The following FER variants were observed in gnomAD, a reference collection of about 807,000 sequenced individuals.
FER encodes the protein FER tyrosine kinase.
Under a neutral mutation model 111.0 loss-of-function variants are expected in FER, and 63 were observed. The ratio of observed to expected loss-of-function variants is 0.57; its 90% CI spans 0.46 to 0.70. FER has a LOEUF of 0.70. FER is among the 30% of genes least tolerant of loss of function. FER has a pLI of 0.00. For synonymous variants in FER, 327 were observed against 313.9 expected (o/e 1.04, Z -0.44); for missense variants, 914 against 954.0 (o/e 0.96, Z 0.55).
intron 3 of FER, among the ~76,000 whole-genome samples, chr5:108,821,752 A>G (rs1451507177): frequency 1.3e-5 from 2 of 151,770 alleles, no homozygotes; most frequent in Non-Finnish European, 2.9e-5. Flanking sequence ...ATATGTATTT[A>G]TGGTATACCT....
intron 11 of FER, among the ~76,000 whole-genome samples, chr5:108,951,690 T>C (rs951322528): frequency 6.6e-6 from 1 of 152,206 alleles, no homozygotes; most frequent in African/African-American, 2.4e-5. Context: ...GTAAGGGTTT[T>C]ACTTGTATAT....
At chr5:109,016,033 A>G (rs926459106) in intron 13 of FER, among the ~76,000 whole-genome samples, 2 of 151,998 alleles carry the variant, frequency 1.3e-5, no homozygotes, top group Non-Finnish European at 2.9e-5. Flanking sequence ...AAGGGTTACT[A>G]TTAGTGAGCA....
chr5:108,814,241 C>T (rs1021737834), intron 3 of FER, among the ~76,000 whole-genome samples: 1 of 152,018 alleles, frequency 6.6e-6, no homozygotes, highest in Non-Finnish European at 1.5e-5. Flanking sequence ...GGTAATTTTT[C>T]ATTTTTTAAT....
chr5:108,911,383 C>T (rs1175039407), intron 10 of FER, among the ~76,000 whole-genome samples: 1 of 151,964 alleles, frequency 6.6e-6, no homozygotes, highest in Non-Finnish European at 1.5e-5. Flanking sequence ...TTGTTAGAGT[C>T]ATAACTTGCA....
At chr5:108,989,771 G>A (rs1373579370) in intron 13 of FER, among the ~76,000 whole-genome samples, 1 of 151,884 alleles carries the variant, frequency 6.6e-6, no homozygotes, top group Non-Finnish European at 1.5e-5. Flanking sequence ...CATTATTTTA[G>A]TAGTATTTCC....
At chr5:108,887,802 T>A (rs1192487368) in intron 9 of FER, among the ~76,000 whole-genome samples, 1 of 151,834 alleles carries the variant, frequency 6.6e-6, no homozygotes, top group Non-Finnish European at 1.5e-5. Context: ...TTGTGGTCCT[T>A]GACTTTTGTA....
Position 109,098,823 on chromosome 5 carries a change from G to A in FER, c.1925-1573G>A, listed in dbSNP as rs552026305. ...TGACACCGTTAAGTTTATGTTTAAA[G>A]CATATAGCTTATTTGATTTTGTTAA... On this transcript the variant is annotated intron_variant, in intron 16 of 19. Transcript: ENST00000281092. Among the ~76,000 whole-genome samples the A allele has an allele frequency of 2.0e-5, 3 of 151,710 alleles. No homozygotes were observed. In the South Asian group the frequency reaches 6.2e-4, roughly 31 times the overall value.
At chr5:108,980,500 T>C (rs1459747939) in intron 13 of FER, among the ~76,000 whole-genome samples, 1 of 152,106 alleles carries the variant, frequency 6.6e-6, no homozygotes, top group Non-Finnish European at 1.5e-5. Flanking sequence ...ACAGAAATAT[T>C]CCAAGCCAAA....
chr5:109,039,740 A>G (rs1770890981), intron 14 of FER, among the ~76,000 whole-genome samples: 1 of 152,088 alleles, frequency 6.6e-6, no homozygotes, highest in African/African-American at 2.4e-5. Flanking sequence ...GTGATAGGAG[A>G]GGAAGTCTGT....
chr5:108,905,907 A>G (rs1408474230), intron 10 of FER, among the ~76,000 whole-genome samples: 3 of 152,174 alleles, frequency 2.0e-5, no homozygotes, highest in East Asian at 1.9e-4. Context: ...AATTGTGGCA[A>G]TGGTATTCTA....
intron 3 of FER, among the ~76,000 whole-genome samples, chr5:108,807,624 T>A (rs1757337070): frequency 6.6e-6 from 1 of 152,220 alleles, no homozygotes; most frequent in Admixed American, 6.5e-5. Flanking sequence ...TTTCATTCAG[T>A]TTTTCTTTGG....
chr5:108,879,128 A>AT (rs1049257392), intron 8 of FER, among the ~76,000 whole-genome samples: 6 of 151,950 alleles, frequency 3.9e-5, no homozygotes, highest in Admixed American at 2.6e-4. Flanking sequence ...TCATTTTGTG[A>AT]TTTTTTTCCA....
intron 4 of FER, among the ~76,000 whole-genome samples, chr5:108,835,329 G>A (rs1760538771): frequency 6.6e-6 from 1 of 151,708 alleles, no homozygotes; most frequent in South Asian, 2.1e-4. Flanking sequence ...TTATAGGCAT[G>A]CGCCACCATA....
At position 109,008,449 on chromosome 5, in the gene FER, C is replaced by A. The variant is rs186156655; in HGVS notation, c.1657-28973C>A. On this transcript the variant is annotated intron_variant, in intron 13 of 19. Transcript: ENST00000281092. ...TTTTACTAAGAACCTGAAGAAGAAA[C>A]ACTTGCACACTCCACCAGCAGTTAT... Among the ~76,000 whole-genome samples, 493 of 152,178 alleles carry A rather than the reference C, an allele frequency of 3.2e-3. 3 individuals are homozygous for A. Among genetic ancestry groups the A allele is most frequent in the African/African-American group, 0.011 (465 of 41,536 alleles).
chr5:109,094,968 A>C (rs1747310100), intron 16 of FER, among the ~76,000 whole-genome samples: 1 of 152,188 alleles, frequency 6.6e-6, no homozygotes, highest in African/African-American at 2.4e-5. Context: ...GCAAGAGTAT[A>C]GCTGTTGTTT....
At chr5:108,859,198 T>A (rs1182998381) in intron 5 of FER, among the ~76,000 whole-genome samples, 1 of 152,204 alleles carries the variant, frequency 6.6e-6, no homozygotes, top group Non-Finnish European at 1.5e-5. Flanking sequence ...TCTCACTTCC[T>A]CTTTTCTTTA....
chr5:109,015,120 A>AT (rs749523775), intron 13 of FER, among the ~76,000 whole-genome samples: 1 of 152,016 alleles, frequency 6.6e-6, no homozygotes, highest in African/African-American at 2.4e-5. Flanking sequence ...ATACATCTTG[A>AT]TTTTTTTGTA....
chr5:108,760,158 G>GTTTTTTTTT (rs36078731), intron 1 of FER, among the ~76,000 whole-genome samples: 1 of 141,092 alleles, frequency 7.1e-6, no homozygotes. Context: ...GCAGTCTTCT[G>GTTTTTTTTT]TTTTTTTTTT....
intron 17 of FER, among the ~76,000 whole-genome samples, chr5:109,137,376 T>A (rs1753012134): frequency 6.6e-6 from 1 of 152,216 alleles, no homozygotes; most frequent in Non-Finnish European, 1.5e-5. Flanking sequence ...AGCTGTATAG[T>A]TCTGCCATGT....
Sources: gnomAD v4.1 joint callset for allele counts (sites outside exome capture counted in the v4.1 genomes callset) on GRCh38, gnomAD v4.1.1 for gene constraint, MANE v1.5 for transcripts, NCBI Gene and HGNC (gene_info 2026-07-23, HGNC 2026-07-21) for gene names.